The following DHRS4L2 variants were observed in gnomAD, a reference collection of about 807,000 sequenced individuals.
DHRS4L2 encodes dehydrogenase/reductase SDR family member 4-like 2.
A neutral mutation model predicts 23.9 loss-of-function variants in DHRS4L2; 22 were observed. The observed-to-expected ratio is 0.92, with a 90% confidence interval of 0.66 to 1.31. DHRS4L2 has a LOEUF of 1.31. Among genes scored for constraint, DHRS4L2 ranks in the 40% most tolerant of loss-of-function variants. The pLI is 0.00. For synonymous variants in DHRS4L2, 141 were observed against 123.7 expected (o/e 1.14, Z -0.93); for missense variants, 385 against 303.3 (o/e 1.27, Z -2.00).
exon 1 of DHRS4L2, chr14:23,969,922 A>T (rs1211359192): frequency 2.2e-6 from 1 of 446,822 alleles, no homozygotes. Context: ...CCGCGCTCCA[A>T]GGCCCGGTGG....
intron 1 of DHRS4L2, among the ~76,000 whole-genome samples, chr14:23,982,963 C>T (rs1156956582): frequency 3.3e-5 from 5 of 151,402 alleles, no homozygotes; most frequent in South Asian, 2.1e-4. Flanking sequence ...ATTCAGGACA[C>T]GGGTATGGGC....
chr14:24,000,558 G>A (rs2034465364), intron 3 of DHRS4L2, among the ~76,000 whole-genome samples: 2 of 151,976 alleles, frequency 1.3e-5, no homozygotes, highest in African/African-American at 2.4e-5. Flanking sequence ...AAGAAACAGA[G>A]AAAACACAGC....
At position 23,972,802 on chromosome 14, in the gene DHRS4L2, G is replaced by C. The variant is rs1418774602; in HGVS notation, c.-176+2470G>C. Among the ~76,000 whole-genome samples the C allele has an allele frequency of 6.6e-5, 10 of 151,978 alleles. 1 individual carries two copies. Among genetic ancestry groups the C allele is most frequent in the Non-Finnish European group, 4.4e-5 (3 of 68,000 alleles). ...TAAAAAGGAATGTAGTAGGAGGGCA[G>C]GGTGATAATAAGGAGAAGGTCAGCA... On this transcript the variant is annotated intron_variant, in intron 1 of 5. Coordinates refer to the DHRS4L2 transcript ENST00000534993.
At chr14:23,988,817 C>T, upstream of DHRS4L2, 2 of 1,418,162 alleles carry the variant, frequency 1.4e-6, no homozygotes, top group Non-Finnish European at 1.8e-6. Context: ...CCAACCGCCA[C>T]AGACGACTCC....
rs897179813 is a variant in DHRS4L2, at chr14:23,994,697, G to A, written c.307-335G>A. Among the ~76,000 whole-genome samples, 9 of 151,744 alleles carry A rather than the reference G, an allele frequency of 5.9e-5. 1 individual carries two copies. Among genetic ancestry groups the A allele is most frequent in the Non-Finnish European group, 8.8e-5 (6 of 67,954 alleles). On this transcript the variant is annotated intron_variant, in intron 2 of 7. Transcript: ENST00000335125. Reference sequence around the variant, plus strand: ...AGCAAGACTCCATCTAAAAAAGAAAGAAGCCAACCTTAAATGGTTAGCGGC... The same window carrying A: ...AGCAAGACTCCATCTAAAAAAGAAAAAAGCCAACCTTAAATGGTTAGCGGC...
intron 1 of DHRS4L2, among the ~76,000 whole-genome samples, chr14:23,982,155 C>A (rs1488548855): frequency 1.3e-5 from 2 of 151,690 alleles, no homozygotes; most frequent in Admixed American, 6.6e-5. Flanking sequence ...AAACCTTGGA[C>A]AGTAACCAGC....
chr14:23,991,688 G>C (rs1245391580), intron 2 of DHRS4L2, among the ~76,000 whole-genome samples: 3 of 151,466 alleles, frequency 2.0e-5, no homozygotes, highest in Admixed American at 1.3e-4. Flanking sequence ...CAGGAGTACT[G>C]CTGGGGAAGG....
chr14:23,971,796 C>A (rs1225842386), intron 1 of DHRS4L2, among the ~76,000 whole-genome samples: 1 of 152,054 alleles, frequency 6.6e-6, no homozygotes, highest in African/African-American at 2.4e-5. Flanking sequence ...TTTGTCACCA[C>A]CAGGCCTGCC....
At chr14:23,971,005 C>G (rs1313986654) in intron 1 of DHRS4L2, among the ~76,000 whole-genome samples, 1 of 152,178 alleles carries the variant, frequency 6.6e-6, no homozygotes, top group East Asian at 1.9e-4. Flanking sequence ...TCACCAACAT[C>G]AAAGACCAAA....
At chr14:23,987,266 G>T (rs756916688), upstream of DHRS4L2, 8 of 331,670 alleles carry the variant, frequency 2.4e-5, no homozygotes, top group Non-Finnish European at 4.2e-5. Flanking sequence ...GAGTAGCTGG[G>T]ACTACAGGCA....
intron 3 of DHRS4L2, among the ~76,000 whole-genome samples, chr14:23,999,205 C>G (rs555756419): frequency 3.6e-4 from 54 of 149,878 alleles, no homozygotes; most frequent in African/African-American, 1.3e-3. Flanking sequence ...CATCACAGAT[C>G]ACCGTAACAG....
upstream of DHRS4L2, among the ~76,000 whole-genome samples, chr14:23,983,872 G>A (rs1367495357): frequency 6.6e-6 from 1 of 151,248 alleles, no homozygotes; most frequent in Admixed American, 6.6e-5. Context: ...CACACACCAG[G>A]GCCTGTTGGG....
chr14:23,990,056 C>A, intron 1 of DHRS4L2, 126 bp from the exon 2 acceptor site: 2 of 1,431,432 alleles, frequency 1.4e-6, no homozygotes, highest in Non-Finnish European at 1.9e-6. Context: ...ACATAGTAGG[C>A]ACACGTAGGA....
chr14:23,986,898 C>T (rs1360229823), upstream of DHRS4L2, among the ~76,000 whole-genome samples: 3 of 151,590 alleles, frequency 2.0e-5, 1 homozygote, highest in Non-Finnish European at 4.4e-5. Flanking sequence ...GTGGCGCTTC[C>T]AGCCTCTGTC....
chr14:23,970,112 G>T lies in DHRS4L2; in HGVS notation c.-396G>T, dbSNP rs183652748. 5 of 456,168 alleles carry T rather than the reference G, an allele frequency of 1.1e-5. 1 individual carries two copies. Among genetic ancestry groups the T allele is most frequent in the South Asian group, 7.7e-5 (5 of 65,310 alleles). 28.3% of individuals were successfully genotyped at this position (456,168 alleles called of 1,614,324 possible). On this transcript the variant is annotated 5_prime_UTR_variant, in exon 1 of 6. Coordinates refer to the DHRS4L2 transcript ENST00000534993. ...AGGGGTCAGGGTGGCCAAGCCCACC[G>T]TGGAGCTCATCTGAGAGTTGTAAGG...
chr14:23,977,356 G>A (rs2138511644), intron 1 of DHRS4L2, among the ~76,000 whole-genome samples: 1 of 151,816 alleles, frequency 6.6e-6, no homozygotes, highest in South Asian at 2.1e-4. Context: ...TGACAAACAT[G>A]AGTGGAACTG....
intron 1 of DHRS4L2, chr14:23,970,429 G>A (rs2033831020): frequency 5.6e-6 from 2 of 359,352 alleles, no homozygotes; most frequent in Middle Eastern, 9.9e-4. Flanking sequence ...GGCTTCAGTA[G>A]GCGTTCTATG....
intron 5 of DHRS4L2, 138 bp from the exon 6 acceptor site, chr14:24,001,246 G>C: frequency 6.4e-7 from 1 of 1,570,150 alleles, no homozygotes; most frequent in Non-Finnish European, 8.6e-7. Context: ...CCTAGGGGAG[G>C]TTTAGCCACA....
intron 1 of DHRS4L2, among the ~76,000 whole-genome samples, chr14:23,981,484 C>G (rs1277555320): frequency 6.6e-6 from 1 of 151,528 alleles, no homozygotes; most frequent in Non-Finnish European, 1.5e-5. Context: ...AAAAAAAGAG[C>G]CCATATAGCT....
Sources: allele counts gnomAD v4.1 joint callset (sites outside exome capture counted in the v4.1 genomes callset), GRCh38; gene constraint gnomAD v4.1.1; transcripts MANE v1.5; gene names NCBI Gene and HGNC (gene_info 2026-07-23, HGNC 2026-07-21).